Variants in CFAP221 observed in about 807,000 individuals in gnomAD.
CFAP221 encodes cilia and flagella associated protein 221.
Under a neutral mutation model 113.1 loss-of-function variants are expected in CFAP221, and 97 were observed. That is an observed-to-expected ratio of 0.86 (90% confidence interval 0.73 to 1.02). CFAP221 has a LOEUF of 1.02. Ranked by LOEUF, CFAP221 falls within the 50% of genes least tolerant of loss-of-function variation. The probability of loss-of-function intolerance (pLI) is 0.00; values close to 1 mark genes in which losing one functional copy is unlikely to be tolerated. For synonymous variants in CFAP221, 331 were observed against 354.4 expected (o/e 0.93, Z 0.74); for missense variants, 1,025 against 1,013.4 (o/e 1.01, Z -0.16).
Position 119,561,027 on chromosome 2 carries a change from G to T in CFAP221, c.427-987G>T, listed in dbSNP as rs540166202. On this transcript the variant is annotated intron_variant, in intron 5 of 23. Transcript: ENST00000413369. ...AAAATGGCCAGGCGCGATGGCTCAT[G>T]TGTGTAATCCCTGCACTTTGGGAGG... 2.6e-5 allele frequency among the ~76,000 whole-genome samples: 4 copies of T among 152,074 alleles called. No individual in the cohort carries two copies. In the South Asian group the frequency reaches 8.3e-4, roughly 31 times the overall value.
At chr2:119,599,857 A>G (rs1684244140) in intron 7 of CFAP221, among the ~76,000 whole-genome samples, 1 of 152,162 alleles carries the variant, frequency 6.6e-6, no homozygotes, top group Non-Finnish European at 1.5e-5. Context: ...TTTAGTGCCT[A>G]AAACAGTGCC....
intron 6 of CFAP221, among the ~76,000 whole-genome samples, chr2:119,569,624 G>C (rs535733301): frequency 5.9e-5 from 9 of 151,500 alleles, no homozygotes; most frequent in Non-Finnish European, 1.3e-4. Flanking sequence ...CCCATTACAT[G>C]TATAATATAC....
intron 11 of CFAP221, among the ~76,000 whole-genome samples, chr2:119,605,889 A>C (rs897802474): frequency 6.6e-6 from 1 of 152,200 alleles, no homozygotes; most frequent in East Asian, 1.9e-4. Context: ...CACATAAAAA[A>C]GATATGGTCA....
chr2:119,587,142 A>C lies in CFAP221; in HGVS notation c.551A>C (p.Gln184Pro). 1 of 1,525,250 alleles carries C rather than the reference A, an allele frequency of 6.6e-7. No individual in the cohort carries two copies. The highest frequency in any genetic ancestry group is 8.8e-7 in the Non-Finnish European group (1 of 1,142,004). 94.5% of individuals were successfully genotyped at this position (1,525,250 alleles called of 1,614,324 possible). A position where few individuals can be genotyped will look rare whatever the true frequency, so the allele number is the denominator to read the frequency against. The change falls in exon 7 of 24, where the codon CAG (glutamine) becomes CCG (proline). Residue 184 changes from glutamine (Q) to proline (P), a missense_variant. Transcript: ENST00000413369. Reference protein sequence around the residue: ...GESKTYVIPLQCSCPVDFEFY... With the variant: ...GESKTYVIPLPCSCPVDFEFY... ...AGCAAAACTTATGTTATTCCTTTGC[A>C]GTGCAGCTGCCCTGTAGATTTTGAG...
intron 3 of CFAP221, among the ~76,000 whole-genome samples, chr2:119,557,906 C>T (rs1277486300): frequency 2.1e-5 from 3 of 144,310 alleles, no homozygotes; most frequent in African/African-American, 5.2e-5. Flanking sequence ...CTGCAGTGAG[C>T]GAAGATCGCG....
intron 8 of CFAP221, among the ~76,000 whole-genome samples, chr2:119,604,323 A>G (rs947502210): frequency 6.6e-6 from 1 of 152,112 alleles, no homozygotes; most frequent in African/African-American, 2.4e-5. Flanking sequence ...AGTCCCAGGT[A>G]TGCGGGAGGC....
At chr2:119,627,938 G>A in intron 16 of CFAP221, 152 bp downstream of exon 16, 1 of 1,113,972 alleles carries the variant, frequency 9.0e-7, no homozygotes, top group Non-Finnish European at 1.3e-6. Flanking sequence ...GGAAAACCAG[G>A]GATCATCTCC....
chr2:119,568,377 G>C (rs769953355), intron 6 of CFAP221, among the ~76,000 whole-genome samples: 4 of 151,684 alleles, frequency 2.6e-5, no homozygotes, highest in Non-Finnish European at 5.9e-5. Flanking sequence ...GGATGTGCAG[G>C]TTTGTTACAT....
intron 3 of CFAP221, among the ~76,000 whole-genome samples, chr2:119,550,781 G>A (rs1558904155): frequency 6.6e-6 from 1 of 152,100 alleles, no homozygotes; most frequent in Non-Finnish European, 1.5e-5. Context: ...TTTACAGTAT[G>A]TATACAATTC....
At chr2:119,658,623 A>G (rs55796546), downstream of CFAP221, among the ~76,000 whole-genome samples, 28,438 of 148,818 alleles carry the variant, frequency 0.19, 2,815 homozygotes, top group African/African-American at 0.27. Flanking sequence ...CAACACGCAC[A>G]CACACACACA....
intron 14 of CFAP221, among the ~76,000 whole-genome samples, chr2:119,624,476 T>C (rs1283765718): frequency 6.6e-6 from 1 of 152,206 alleles, no homozygotes; most frequent in African/African-American, 2.4e-5. Context: ...TCCTCAAGGA[T>C]CTGGAACCAG....
chr2:119,605,224 G>A lies in CFAP221; in HGVS notation c.1068G>A (p.Lys356=). ...AAATTTCAAAAACGAGACAGATGAAGGAGGCACTCTTTGAACAGAAAGTCA... is the reference window on the plus strand; with the variant it reads ...AAATTTCAAAAACGAGACAGATGAAAGAGGCACTCTTTGAACAGAAAGTCA... ...GTEISKTRQM[K]EALFEQKVRQ... is the part of the protein sequence containing the mutation. The change falls in exon 11 of 24, where the codon AAG becomes AAA. Residue 356 remains lysine, a synonymous_variant. Coordinates refer to ENST00000413369, the MANE Select transcript of CFAP221 (RefSeq NM_001271049.2). 1 of 1,614,166 alleles carries A rather than the reference G, an allele frequency of 6.2e-7. No homozygotes were observed. Among genetic ancestry groups the A allele is most frequent in the Admixed American group, 1.7e-5 (1 of 60,026 alleles).
chr2:119,547,600 A>T (rs1680140556), intron 2 of CFAP221, among the ~76,000 whole-genome samples: 1 of 152,136 alleles, frequency 6.6e-6, no homozygotes, highest in South Asian at 2.1e-4. Flanking sequence ...AAATATAAAT[A>T]AATTTTAAAA....
chr2:119,553,268 C>T (rs1393323130), intron 3 of CFAP221, among the ~76,000 whole-genome samples: 1 of 152,018 alleles, frequency 6.6e-6, no homozygotes, highest in East Asian at 1.9e-4. Context: ...GGATTTGGGG[C>T]CCAGAGAAAG....
chr2:119,582,949 T>C (rs1167941035), intron 6 of CFAP221, among the ~76,000 whole-genome samples: 1 of 152,208 alleles, frequency 6.6e-6, no homozygotes, highest in East Asian at 1.9e-4. Context: ...TAAGTTCAAA[T>C]ATATCTATTA....
At chr2:119,601,631 C>A in intron 8 of CFAP221, 1 of 391,232 alleles carries the variant, frequency 2.6e-6, no homozygotes, top group Non-Finnish European at 4.5e-6. Flanking sequence ...TTTCACTGAT[C>A]ACTACTGGTG....
intron 13 of CFAP221, among the ~76,000 whole-genome samples, chr2:119,612,884 A>G (rs1279068265): frequency 1.3e-5 from 2 of 152,214 alleles, no homozygotes; most frequent in Admixed American, 6.5e-5. Context: ...CCAAAGTCCT[A>G]TCTGAGACAG....
chr2:119,652,055 C>T lies in CFAP221; in HGVS notation c.2400C>T (p.Asp800=), dbSNP rs372428467. The T allele has an allele frequency of 9.9e-6, 16 of 1,610,712 alleles. No individual in the cohort carries two copies. The highest frequency in any genetic ancestry group is 1.3e-5 in the African/African-American group (1 of 74,800). Residue 800 remains aspartate, a synonymous_variant, in exon 23 of 24, where the codon GAC becomes GAT. Coordinates refer to ENST00000413369, the MANE Select transcript of CFAP221 (RefSeq NM_001271049.2). ...KVEFPMLNYK[D]IRKEKEVKDQ... Reference sequence around the variant, plus strand: ...AATTCCCTATGTTGAACTACAAGGACATCAGGAAGGAGAAGTAAGTGGATG... The same window carrying T: ...AATTCCCTATGTTGAACTACAAGGATATCAGGAAGGAGAAGTAAGTGGATG...
At chr2:119,602,693 T>C (rs555073218) in intron 8 of CFAP221, 1 of 985,412 alleles carries the variant, frequency 1.0e-6, no homozygotes, top group Admixed American at 6.1e-5. Context: ...TTGAAATCAC[T>C]CGGGCAACAA....
Sources: allele counts gnomAD v4.1 joint callset (sites outside exome capture counted in the v4.1 genomes callset), GRCh38; gene constraint gnomAD v4.1.1; transcripts MANE v1.5; gene names NCBI Gene and HGNC (gene_info 2026-07-23, HGNC 2026-07-21).